CHRNA5: variants seen among roughly 807,000 people sequenced by gnomAD.
CHRNA5 encodes the protein neuronal acetylcholine receptor subunit alpha-5.
A neutral mutation model predicts 41.2 loss-of-function variants in CHRNA5; 28 were observed. That is an observed-to-expected ratio of 0.68 (90% CI 0.50 to 0.93). The LOEUF (loss-of-function observed/expected upper bound fraction) is 0.93, where lower values mean the gene tolerates loss of function less well. Ranked by LOEUF, CHRNA5 falls within the 40% of genes least tolerant of loss-of-function variation. The pLI is 0.00. For synonymous variants in CHRNA5, 188 were observed against 205.8 expected, an observed-to-expected ratio of 0.91 and a Z score of 0.74; for missense variants, 481 against 581.9, an observed-to-expected ratio of 0.83 and a Z score of 1.78.
intron 1 of CHRNA5, 57 bp downstream of exon 1, chr15:78,565,882 T>A: frequency 7.4e-6 from 8 of 1,079,228 alleles, no homozygotes; most frequent in Non-Finnish European, 9.4e-6. Flanking sequence ...CACATCGCGG[T>A]GCCCAGGAAG....
intron 2 of CHRNA5, among the ~76,000 whole-genome samples, chr15:78,583,386 GAGTAAC>G (rs1347293474): frequency 1.3e-5 from 2 of 152,156 alleles, no homozygotes; most frequent in East Asian, 1.9e-4. Flanking sequence ...TAGAGTGGAA[GAGTAAC>G]ACATTTGAAA....
intron 5 of CHRNA5, among the ~76,000 whole-genome samples, chr15:78,591,956 C>G (rs1049441618): frequency 6.6e-6 from 1 of 152,136 alleles, no homozygotes; most frequent in Non-Finnish European, 1.5e-5. Context: ...TAAATGTCTG[C>G]AAAGTATTGT....
At chr15:78,590,575 C>T (rs1820821223) in exon 5 of CHRNA5, 1 of 1,614,178 alleles carries the variant, frequency 6.2e-7, no homozygotes, top group East Asian at 2.2e-5. Flanking sequence ...ACATTGGAAG[C>T]TGCGCTCGAT....
chr15:78,574,905 C>T (rs150441541), intron 1 of CHRNA5, among the ~76,000 whole-genome samples: 364 of 148,906 alleles, frequency 2.4e-3, no homozygotes, highest in African/African-American at 8.5e-3. Context: ...CACAGGAGAT[C>T]GAGGCTGCAG....
chr15:78,579,793 T>C (rs1050637158), intron 1 of CHRNA5, among the ~76,000 whole-genome samples: 7 of 152,162 alleles, frequency 4.6e-5, no homozygotes, highest in Non-Finnish European at 7.4e-5. Context: ...CATCAGTAGA[T>C]TGGGAGGCTC....
chr15:78,590,239 G>GTC lies in CHRNA5; in HGVS notation c.852_853dup (p.Cys285SerfsTer9). ...CCTTCAAATGAAGGTGAAAAGATTT[G>GTC]TCTCTGCACTTCAGTACTTGTGTCT... On this transcript the variant is annotated frameshift_variant, in exon 5 of 6. Coordinates refer to ENST00000299565, the Ensembl canonical transcript of CHRNA5. LOFTEE classifies it high-confidence loss of function. The GTC allele has an allele frequency of 6.2e-7, 1 of 1,613,902 alleles. No homozygotes were observed.
Position 78,580,980 on chromosome 15 carries a change from T to C in CHRNA5, c.258+18T>C. 6.2e-7 allele frequency: 1 copy of C among 1,605,710 alleles called. No homozygotes were observed. The highest frequency in any genetic ancestry group is 8.5e-7 in the Non-Finnish European group (1 of 1,177,630). On this transcript the variant is annotated intron_variant, in intron 2 of 5. Transcript: ENST00000299565. ...TGGATGTGGTAGGTGTGCATATCCTTCTATAGTCAATTTCCCACAGATTTA... is the reference window on the plus strand; with the variant it reads ...TGGATGTGGTAGGTGTGCATATCCTCCTATAGTCAATTTCCCACAGATTTA...
chr15:78,586,688 A>G lies in CHRNA5; in HGVS notation c.302A>G (p.Gln101Arg), dbSNP rs768366429. The G allele has an allele frequency of 1.9e-6, 3 of 1,603,094 alleles. No individual in the cohort carries two copies. In the South Asian group the frequency reaches 3.4e-5, roughly 18 times the overall value. ...ATGACAACAAACGTCTGGTTGAAAC[A>G]GGTATGTGTGTAAAATTCAAACGGG... The change falls in exon 3 of 6, where the codon CAG becomes CGG. Residue 101 changes from glutamine (Q) to arginine (R), a missense_variant and splice_region_variant. Gln to Arg is a conservative substitution (Grantham distance 43). Transcript: ENST00000299565.
In CHRNA5 at chr15:78,583,762, AT is replaced by A. The variant is rs1193900943; in HGVS notation, c.258+2802del. On this transcript the variant is annotated intron_variant, in intron 2 of 5. Transcript: ENST00000299565. ...TAGGGCAGAGAAGATGATGAGTTTG[AT>A]TGTGGTTTGAGGTGTTAATTCCAAA... is the stretch of plus-strand genomic sequence containing the variant. Among the ~76,000 whole-genome samples the A allele has an allele frequency of 2.0e-5, 3 of 151,872 alleles. No individual in the cohort carries two copies. The East Asian group carries it at 5.8e-4, about 29-fold the overall frequency.
intron 4 of CHRNA5, 59 bp from the exon 5 acceptor site, chr15:78,589,746 A>G: frequency 7.6e-7 from 1 of 1,318,444 alleles, no homozygotes; most frequent in South Asian, 1.4e-5. Context: ...GCTTATATTA[A>G]TACAATTCAT....
chr15:78,585,787 C>CTTGCTTT (rs2052954788), intron 2 of CHRNA5, among the ~76,000 whole-genome samples: 1 of 62,548 alleles, frequency 1.6e-5, no homozygotes. Flanking sequence ...CTTTTCTTTT[C>CTTGCTTT]TTTCTTTTTT....
chr15:78,576,513 C>T (rs771787533), intron 1 of CHRNA5, among the ~76,000 whole-genome samples: 2 of 152,056 alleles, frequency 1.3e-5, no homozygotes. Flanking sequence ...TAAGTAAGGC[C>T]GGGCGTGGTG....
At chr15:78,587,002 T>C (rs898530260) in intron 3 of CHRNA5, among the ~76,000 whole-genome samples, 1 of 152,222 alleles carries the variant, frequency 6.6e-6, no homozygotes, top group African/African-American at 2.4e-5. Flanking sequence ...TACCCAAGGC[T>C]GGGTAATTTA....
chr15:78,580,172 C>T lies in CHRNA5; in HGVS notation c.107-639C>T, dbSNP rs1434234719. On this transcript the variant is annotated intron_variant, in intron 1 of 5. Coordinates refer to ENST00000299565, the Ensembl canonical transcript of CHRNA5. ...GTGGATACCTGTAGTCTCAGCTACT[C>T]GGGAGGCTGAGGTGGAGAATTGCTT... Among the ~76,000 whole-genome samples the T allele has an allele frequency of 4.2e-5, 6 of 143,130 alleles. No individual in the cohort carries two copies. In the East Asian group the frequency reaches 6.9e-4, roughly 16 times the overall value. 93.9% of individuals were successfully genotyped at this position (143,130 alleles called of 152,430 possible).
At chr15:78,572,893 A>G (rs2052819435) in intron 1 of CHRNA5, among the ~76,000 whole-genome samples, 1 of 152,202 alleles carries the variant, frequency 6.6e-6, no homozygotes, top group African/African-American at 2.4e-5. Flanking sequence ...CTTAATGGTT[A>G]CCCTTGGAAG....
intron 1 of CHRNA5, among the ~76,000 whole-genome samples, chr15:78,580,531 G>A (rs941667371): frequency 6.6e-6 from 1 of 152,068 alleles, no homozygotes; most frequent in Non-Finnish European, 1.5e-5. Context: ...ATCTGAACCA[G>A]AGTGTCCCTT....
exon 6 of CHRNA5, chr15:78,593,131 C>A (rs138253116): frequency 6.2e-7 from 1 of 1,612,962 alleles, no homozygotes; most frequent in Non-Finnish European, 8.5e-7. Flanking sequence ...GGTTCTTGAT[C>A]GGATGTTTCT....
intron 5 of CHRNA5, chr15:78,590,850 T>G: frequency 3.7e-6 from 2 of 538,846 alleles, no homozygotes; most frequent in Non-Finnish European, 6.5e-6. Context: ...CAAATCTCAC[T>G]TCTCCACTTC....
At chr15:78,577,620 G>A (rs1443390110) in intron 1 of CHRNA5, among the ~76,000 whole-genome samples, 1 of 152,084 alleles carries the variant, frequency 6.6e-6, no homozygotes, top group Non-Finnish European at 1.5e-5. Context: ...TCAGGCAAAG[G>A]TTCCTTTAGA....
Sources: gnomAD v4.1 joint callset for allele counts (sites outside exome capture counted in the v4.1 genomes callset) on GRCh38, gnomAD v4.1.1 for gene constraint, MANE v1.5 for transcripts, NCBI Gene and HGNC (gene_info 2026-07-23, HGNC 2026-07-21) for gene names.